SLFN14: variants seen among roughly 807,000 people sequenced by gnomAD.
The protein encoded by SLFN14 is protein SLFN14.
Under a neutral mutation model 58.6 loss-of-function variants are expected in SLFN14, and 47 were observed. The ratio of observed to expected loss-of-function variants is 0.80; its 90% CI spans 0.64 to 1.02. The LOEUF (loss-of-function observed/expected upper bound fraction) is 1.02. Among genes scored for constraint, SLFN14 ranks in the 50% least tolerant of loss-of-function variants. The pLI, the probability that SLFN14 is intolerant of heterozygous loss-of-function variation, is 0.00. For synonymous variants in SLFN14, 390 were observed against 387.3 expected (o/e 1.01, Z -0.08); for missense variants, 967 against 1,078.4 (o/e 0.90, Z 1.45).
Position 35,557,647 on chromosome 17 carries a change from A to T in SLFN14, c.416T>A (p.Ile139Asn), listed in dbSNP as rs1404889359. 6.4e-7 allele frequency: 1 copy of T among 1,551,708 alleles called. No individual in the cohort carries two copies. The highest frequency in any genetic ancestry group is 1.2e-5 in the South Asian group (1 of 84,066). The change falls in exon 3 of 6, where the codon ATC becomes AAC. Residue 139 changes from isoleucine (I) to asparagine (N), a missense_variant. By Grantham distance (149) the Ile-to-Asn change is moderately radical. Transcript: ENST00000674182. ...NLYRRDVTSA[I>N]NLSASSALEL... is the part of the protein sequence containing the mutation. The stretch of plus-strand genomic sequence containing the variant: ...CAGGGCACTGCTAGCACTCAAGTTG[A>T]TAGCAGAAGTCACATCTCTCCGATA...
In SLFN14 at chr17:35,557,160, T is replaced by C. The variant is rs1164779186; in HGVS notation, c.903A>G (p.Gln301=). The C allele has an allele frequency of 6.4e-7, 1 of 1,551,726 alleles. No individual in the cohort carries two copies. The highest frequency in any genetic ancestry group is 8.7e-7 in the Non-Finnish European group (1 of 1,146,988). Residue 301 remains glutamine, a synonymous_variant, in exon 3 of 6, where the codon CAA becomes CAG. Coordinates refer to ENST00000674182, the MANE Select transcript of SLFN14 (RefSeq NM_001129820.2). ...NFTTKILNVY[Q]KDVLDGYVCV... ...AGACATAACCATCCAGGACATCTTT[T>C]TGGTACACATTCAGGATTTTTGTAG...
At position 35,547,446 on chromosome 17, in the gene SLFN14, T is replaced by G. The variant is rs1412638332; in HGVS notation, c.*793A>C. 6.6e-6 allele frequency among the ~76,000 whole-genome samples: 1 copy of G among 152,214 alleles called. No homozygotes were observed. The highest frequency in any genetic ancestry group is 1.5e-5 in the Non-Finnish European group (1 of 68,036). On this transcript the variant is annotated 3_prime_UTR_variant, in exon 6 of 6. Coordinates refer to ENST00000674182, the MANE Select transcript of SLFN14 (RefSeq NM_001129820.2). ...ATCAAATTACCAGCTTCCCTTACTG[T>G]AAGGCTATGTTCATATAATTTGGCT...
chr17:35,558,991 G>A (rs565145591), intron 2 of SLFN14, among the ~76,000 whole-genome samples: 88 of 152,004 alleles, frequency 5.8e-4, no homozygotes, highest in African/African-American at 2.0e-3. Flanking sequence ...TGAGAGGATT[G>A]CTTTCGATCA....
chr17:35,557,048 G>A lies in SLFN14; in HGVS notation c.1015C>T (p.Leu339=), dbSNP rs2072658210. Residue 339 remains leucine (L), a synonymous_variant, in exon 3 of 6, where the codon CTG becomes TTG. Transcript: ENST00000674182. ...WIMKDNSVTR[L]TAEQWVVMML... ...ATGACCACCCACTGCTCAGCTGTCA[G>A]CCGTGTGACAGAATTGTCTTTCATG... is the stretch of plus-strand genomic sequence containing the variant. 6.4e-7 allele frequency: 1 copy of A among 1,551,644 alleles called. No homozygotes were observed. Among genetic ancestry groups the A allele is most frequent in the Non-Finnish European group, 8.7e-7 (1 of 1,146,978 alleles).
rs1219472583 is a variant in SLFN14, at chr17:35,545,247, C to T, written c.*2992G>A. Among the ~76,000 whole-genome samples, 1 of 152,192 alleles carries T rather than the reference C, an allele frequency of 6.6e-6. No individual in the cohort carries two copies. The highest frequency in any genetic ancestry group is 1.5e-5 in the Non-Finnish European group (1 of 68,042). On this transcript the variant is annotated 3_prime_UTR_variant, in exon 6 of 6. Coordinates refer to ENST00000674182, the MANE Select transcript of SLFN14 (RefSeq NM_001129820.2). ...AGAAATTCATACTATCGAATTGAAT[C>T]ATTGTAGATTCTAGTTTTCTAAAAG...
chr17:35,545,472 C>T lies in SLFN14; in HGVS notation c.*2767G>A, dbSNP rs1268964487. On this transcript the variant is annotated 3_prime_UTR_variant, in exon 6 of 6. Coordinates refer to ENST00000674182, the MANE Select transcript of SLFN14 (RefSeq NM_001129820.2). ...ACTAGGAGAAGGGTTCAATGGTTCT[C>T]AACCCTTGTGACATATTAGAATCAT... Among the ~76,000 whole-genome samples the T allele has an allele frequency of 6.6e-6, 1 of 152,098 alleles. No homozygotes were observed. The highest frequency in any genetic ancestry group is 1.5e-5 in the Non-Finnish European group (1 of 68,022).
intron 2 of SLFN14, among the ~76,000 whole-genome samples, 158 bp from the exon 3 acceptor site, chr17:35,558,264 AGTTTT>A (rs1471296025): frequency 6.6e-6 from 1 of 151,648 alleles, no homozygotes; most frequent in Admixed American, 6.6e-5. Flanking sequence ...TGGGTTTTTT[AGTTTT>A]GTTTGTTTGT....
At chr17:35,549,132 A>T in intron 5 of SLFN14, 59 bp from the exon 6 acceptor site, 1 of 1,324,086 alleles carries the variant, frequency 7.6e-7, no homozygotes, top group South Asian at 1.3e-5. Context: ...ACCAGCAGTC[A>T]TTACTCTCTG....
Position 35,548,900 on chromosome 17 carries a change from T to A in SLFN14, c.2078A>T (p.Asn693Ile). The A allele has an allele frequency of 6.4e-7, 1 of 1,551,640 alleles. No homozygotes were observed. Among genetic ancestry groups the A allele is most frequent in the South Asian group, 1.2e-5 (1 of 84,062 alleles). ...HPKAKGTGSE[N>I]LHHGILWLFL... ...AAGCCAGAGAATCCCATGGTGAAGGTTTTCACTTCCAGTCCCCTTCGCCTT... is the reference window on the plus strand; with the variant it reads ...AAGCCAGAGAATCCCATGGTGAAGGATTTCACTTCCAGTCCCCTTCGCCTT... The change falls in exon 6 of 6, where the codon AAC becomes ATC. Residue 693 changes from asparagine (N) to isoleucine (I), a missense_variant. Coordinates refer to ENST00000674182, the MANE Select transcript of SLFN14 (RefSeq NM_001129820.2).
intron 5 of SLFN14, among the ~76,000 whole-genome samples, chr17:35,550,585 T>C (rs942080496): frequency 1.3e-5 from 2 of 152,186 alleles, no homozygotes; most frequent in Admixed American, 6.5e-5. Context: ...AATGAGCATG[T>C]CTTTATTATT....
At chr17:35,553,585 G>C in intron 4 of SLFN14, 141 bp from the exon 5 acceptor site, 1 of 706,152 alleles carries the variant, frequency 1.4e-6, no homozygotes, top group Non-Finnish European at 2.3e-6. Flanking sequence ...TTAATCAGGA[G>C]CAGTTTTACT....
chr17:35,547,459 A>G lies in SLFN14; in HGVS notation c.*780T>C, dbSNP rs1172968707. 6.6e-6 allele frequency among the ~76,000 whole-genome samples: 1 copy of G among 152,230 alleles called. No individual in the cohort carries two copies. The highest frequency in any genetic ancestry group is 1.5e-5 in the Non-Finnish European group (1 of 68,038). On this transcript the variant is annotated 3_prime_UTR_variant, in exon 6 of 6. Coordinates refer to ENST00000674182, the MANE Select transcript of SLFN14 (RefSeq NM_001129820.2). ...CTTCCCTTACTGTAAGGCTATGTTCATATAATTTGGCTTCCTATATTACTG... is the reference window on the plus strand; with the variant it reads ...CTTCCCTTACTGTAAGGCTATGTTCGTATAATTTGGCTTCCTATATTACTG...
At position 35,552,782 on chromosome 17, in the gene SLFN14, G is replaced by T. The variant is rs369249980; in HGVS notation, c.1852C>A (p.Pro618Thr). 1.3e-6 allele frequency: 2 copies of T among 1,551,016 alleles called. No individual in the cohort carries two copies. The highest frequency in any genetic ancestry group is 1.7e-6 in the Non-Finnish European group (2 of 1,146,908). Residue 618 changes from proline (P) to threonine (T), a missense_variant, in exon 5 of 6, where the codon CCA becomes ACA. Transcript: ENST00000674182. The part of the protein sequence containing the change: ...EKIKDLFHCK[P>T]KEILYVCESD... ...TCACAAACATAGAGGATCTCTTTTGGTTTGCAGTGAAACAAGTCCTTAATT... is the reference window on the plus strand; with the variant it reads ...TCACAAACATAGAGGATCTCTTTTGTTTTGCAGTGAAACAAGTCCTTAATT...
At chr17:35,554,929 G>C (rs1481573130) in intron 3 of SLFN14, among the ~76,000 whole-genome samples, 1 of 151,912 alleles carries the variant, frequency 6.6e-6, no homozygotes, top group African/African-American at 2.4e-5. Flanking sequence ...TGTGTGACTC[G>C]GCTTGAGCAA....
Position 35,557,955 on chromosome 17 carries a change from A to G in SLFN14, c.108T>C (p.Cys36=). 6.4e-7 allele frequency: 1 copy of G among 1,551,634 alleles called. No individual in the cohort carries two copies. The highest frequency in any genetic ancestry group is 8.7e-7 in the Non-Finnish European group (1 of 1,146,968). The part of the protein sequence containing the change: ...EENRKKMTNS[C]LKRSENSRII... ...TTCTAGAATTCTCAGATCTTTTCAA[A>G]CAGCTGTTGGTCATCTTCTTCCTGT... The change falls in exon 3 of 6, where the codon TGT becomes TGC. Residue 36 remains cysteine (C), a synonymous_variant. Transcript: ENST00000674182.
rs1408173443 is a variant in SLFN14 at position 35,548,132 on chromosome 17, G to A, written c.*107C>T. 2.0e-5 allele frequency: 22 copies of A among 1,088,182 alleles called. No homozygotes were observed. Among genetic ancestry groups the A allele is most frequent in the Non-Finnish European group, 2.8e-5 (22 of 773,720 alleles). 67.4% of individuals were successfully genotyped at this position (1,088,182 alleles called of 1,614,324 possible). On this transcript the variant is annotated 3_prime_UTR_variant, in exon 6 of 6. Transcript: ENST00000674182. The stretch of plus-strand genomic sequence containing the variant: ...CATTTCTGTGGCTCCAGGCCATACT[G>A]ATGTGCCTTGATTTCCTCACTTGTA...
chr17:35,555,285 T>C (rs574405959), intron 3 of SLFN14, among the ~76,000 whole-genome samples: 2 of 150,304 alleles, frequency 1.3e-5, no homozygotes, highest in East Asian at 2.0e-4. Context: ...GGCAGGAGAA[T>C]GGGGTGAACC....
chr17:35,559,300 A>G (rs556339254), intron 2 of SLFN14, among the ~76,000 whole-genome samples: 4 of 152,246 alleles, frequency 2.6e-5, no homozygotes, highest in African/African-American at 9.6e-5. Flanking sequence ...GAAAAGCTTT[A>G]TTTTACTCCT....
chr17:35,553,519 A>C (rs1040191897), intron 4 of SLFN14, 75 bp from the exon 5 acceptor site: 28 of 1,162,180 alleles, frequency 2.4e-5, no homozygotes, highest in African/African-American at 3.1e-5. Flanking sequence ...GTTGCAGAAA[A>C]AAATGATACC....
Sources: gnomAD v4.1 joint callset for allele counts (sites outside exome capture counted in the v4.1 genomes callset) on GRCh38, gnomAD v4.1.1 for gene constraint, MANE v1.5 for transcripts, NCBI Gene and HGNC (gene_info 2026-07-23, HGNC 2026-07-21) for gene names.